CHST11: variants seen among roughly 807,000 people sequenced by gnomAD.
The protein encoded by CHST11 is C4S-1.
In CHST11, 9 loss-of-function variants were observed where a neutral mutation model predicts 30.4. That is an observed-to-expected ratio of 0.30 (90% confidence interval 0.18 to 0.52). CHST11 has a LOEUF of 0.52. CHST11 is among the 20% of genes least tolerant of loss of function. The probability of loss-of-function intolerance (pLI) is 0.97; values close to 1 mark genes in which losing one functional copy is unlikely to be tolerated. For missense variants in CHST11, 348 were observed against 460.6 expected (o/e 0.76, Z 2.24); for synonymous variants, 152 against 187.8 (o/e 0.81, Z 1.56).
rs75908240 is a variant in CHST11, at chr12:104,471,500, C to G, written c.118+13971C>G. 0.013 allele frequency among the ~76,000 whole-genome samples: 1,972 copies of G among 152,226 alleles called. 80 individuals are homozygous for G. In the East Asian group the frequency reaches 0.16, roughly 13 times the overall value. ...GAACAGCCAAAAAGTGAACAACTGT[C>G]AAAGTTGTAGGAATTGCATCACTGT... On this transcript the variant is annotated intron_variant, in intron 1 of 2. Coordinates refer to ENST00000303694, the MANE Select transcript of CHST11 (RefSeq NM_018413.6).
At chr12:104,586,001 T>C (rs905194332) in intron 1 of CHST11, among the ~76,000 whole-genome samples, 41 of 152,222 alleles carry the variant, frequency 2.7e-4, no homozygotes, top group Non-Finnish European at 5.9e-5. Context: ...ACTCATTATA[T>C]CTGCAAAGAC....
intron 2 of CHST11, among the ~76,000 whole-genome samples, chr12:104,707,836 C>T (rs1187711825): frequency 6.6e-6 from 1 of 152,138 alleles, no homozygotes; most frequent in Admixed American, 6.5e-5. Context: ...GCAGATACAT[C>T]CATACATTCA....
At chr12:104,614,523 TGG>T (rs2039089188) in intron 2 of CHST11, among the ~76,000 whole-genome samples, 1 of 152,074 alleles carries the variant, frequency 6.6e-6, no homozygotes, top group African/African-American at 2.4e-5. Context: ...CCAGCCTGGT[TGG>T]ATTTTTTTTT....
intron 1 of CHST11, among the ~76,000 whole-genome samples, chr12:104,543,821 T>G (rs942375746): frequency 3.9e-5 from 6 of 152,206 alleles, no homozygotes; most frequent in South Asian, 2.1e-4. Flanking sequence ...TTTACTTTTT[T>G]GGGGCACTGC....
chr12:104,742,810 G>C, intron 2 of CHST11, among the ~76,000 whole-genome samples: 1 of 152,150 alleles, frequency 6.6e-6, no homozygotes, highest in East Asian at 1.9e-4. Context: ...CCCTCCTCTT[G>C]TTTCTTGGCC....
At chr12:104,490,303 C>T (rs113697769) in intron 1 of CHST11, among the ~76,000 whole-genome samples, 37 of 152,178 alleles carry the variant, frequency 2.4e-4, no homozygotes, top group African/African-American at 8.4e-4. Flanking sequence ...ATAAAGATGG[C>T]AGACGTGCTA....
In CHST11 at chr12:104,651,085, G is replaced by A. The variant is rs374156742; in HGVS notation, c.204+49094G>A. 1.1e-3 allele frequency among the ~76,000 whole-genome samples: 171 copies of A among 152,188 alleles called. 1 individual carries two copies. The highest frequency in any genetic ancestry group is 1.9e-3 in the Non-Finnish European group (132 of 68,034). Reference sequence around the variant, plus strand: ...CCAAGCCAACCTTTGATACCCAGACGTTTTCAAGACCCTCAGTCTGGTGGC... The same window carrying A: ...CCAAGCCAACCTTTGATACCCAGACATTTTCAAGACCCTCAGTCTGGTGGC... On this transcript the variant is annotated intron_variant, in intron 2 of 2. Coordinates refer to ENST00000303694, the MANE Select transcript of CHST11 (RefSeq NM_018413.6).
intron 1 of CHST11, among the ~76,000 whole-genome samples, chr12:104,522,045 C>T (rs1432882230): frequency 6.6e-6 from 1 of 152,208 alleles, no homozygotes; most frequent in Non-Finnish European, 1.5e-5. Context: ...TCTGTTTCCA[C>T]TAGCATTTCT....
rs2040505777 is a variant in CHST11 at position 104,759,348 on chromosome 12, CT to C, written c.*1546del. ...TGCTAATTAACATCTAAACATGCTT[CT>C]CATTTCCAGCCATTGCTGATGCTTC... On this transcript the variant is annotated 3_prime_UTR_variant, in exon 3 of 3. Coordinates refer to ENST00000303694, the MANE Select transcript of CHST11 (RefSeq NM_018413.6). 1 of 152,088 alleles carries C rather than the reference CT, an allele frequency of 6.6e-6. No individual in the cohort carries two copies. Among genetic ancestry groups the C allele is most frequent in the Admixed American group, 6.6e-5 (1 of 15,266 alleles). 9.4% of individuals were successfully genotyped at this position (152,088 alleles called of 1,614,324 possible).
intron 2 of CHST11, among the ~76,000 whole-genome samples, chr12:104,677,886 A>G (rs1446213380): frequency 6.6e-6 from 1 of 152,170 alleles, no homozygotes; most frequent in Non-Finnish European, 1.5e-5. Context: ...CACATTCCTC[A>G]AACATGTCAA....
At chr12:104,640,610 G>A (rs974723630) in intron 2 of CHST11, among the ~76,000 whole-genome samples, 6 of 152,182 alleles carry the variant, frequency 3.9e-5, no homozygotes, top group African/African-American at 1.4e-4. Flanking sequence ...TGGGGAGAGG[G>A]ATGAACAGGA....
At chr12:104,659,335 G>A (rs959101652) in intron 2 of CHST11, among the ~76,000 whole-genome samples, 1 of 152,190 alleles carries the variant, frequency 6.6e-6, no homozygotes, top group Non-Finnish European at 1.5e-5. Context: ...GCTGGCACAT[G>A]ATAATTGCTC....
At chr12:104,514,557 T>C in intron 1 of CHST11, 2 of 459,752 alleles carry the variant, frequency 4.4e-6, no homozygotes, top group Non-Finnish European at 8.0e-6. Context: ...AATAGAGGTT[T>C]ACTTGGCTCA....
At chr12:104,596,387 C>A (rs188543460) in intron 1 of CHST11, among the ~76,000 whole-genome samples, 28 of 152,298 alleles carry the variant, frequency 1.8e-4, no homozygotes, top group Middle Eastern at 6.8e-3. Context: ...GTTTTGCCAG[C>A]GGAAGGAGCA....
rs1428745221 is a variant in CHST11 at position 104,703,486 on chromosome 12, A to G, written c.205-53463A>G. ...ACTTTCAAAGGAGATCAATAATTCA[A>G]CCACTTCCCCCCACCCCGGCTGCCG... On this transcript the variant is annotated intron_variant, in intron 2 of 2. Transcript: ENST00000303694. Among the ~76,000 whole-genome samples the G allele has an allele frequency of 3.9e-5, 6 of 151,908 alleles. No homozygotes were observed. In the East Asian group the frequency reaches 7.7e-4, roughly 20 times the overall value.
rs1334559199 is a variant in CHST11 at position 104,757,496 on chromosome 12, G to A, written c.752G>A (p.Arg251Gln). The A allele has an allele frequency of 9.3e-6, 15 of 1,614,094 alleles. No individual in the cohort carries two copies. The highest frequency in any genetic ancestry group is 1.2e-5 in the Non-Finnish European group (14 of 1,180,030). ...TATCTCATCGACCCACACACCCAGCGGGAGGAGCCTTTCAACGAACACTGG... is the reference window on the plus strand; with the variant it reads ...TATCTCATCGACCCACACACCCAGCAGGAGGAGCCTTTCAACGAACACTGG... Reference protein sequence around the residue: ...VAYLIDPHTQREEPFNEHWQT... With the variant: ...VAYLIDPHTQQEEPFNEHWQT... Residue 251 changes from arginine to glutamine, a missense_variant, in exon 3 of 3, where the codon CGG becomes CAG. Arg to Gln is a conservative substitution (Grantham distance 43). Coordinates refer to ENST00000303694, the MANE Select transcript of CHST11 (RefSeq NM_018413.6). This position sits in a 1 kb window ranked among gnomAD's most constrained non-coding sequence, Gnocchi z 6.5.
At chr12:104,623,718 CA>C (rs547796323) in intron 2 of CHST11, among the ~76,000 whole-genome samples, 211 of 138,242 alleles carry the variant, frequency 1.5e-3, no homozygotes, top group South Asian at 9.8e-3. Flanking sequence ...GACTCCATCT[CA>C]AAAAAAAAAA....
chr12:104,494,418 T>G (rs535314160), intron 1 of CHST11, among the ~76,000 whole-genome samples: 1 of 152,306 alleles, frequency 6.6e-6, no homozygotes, highest in Admixed American at 6.5e-5. Context: ...TGATAACATC[T>G]CAGAAATGAA....
At chr12:104,561,275 T>C (rs1374127401) in intron 1 of CHST11, among the ~76,000 whole-genome samples, 1 of 152,176 alleles carries the variant, frequency 6.6e-6, no homozygotes, top group East Asian at 1.9e-4. Flanking sequence ...CCCAGACCCC[T>C]CCCATCTTGT....
Sources: gnomAD v4.1 joint callset for allele counts (sites outside exome capture counted in the v4.1 genomes callset) on GRCh38, gnomAD v4.1.1 for gene constraint, Gnocchi (gnomAD v3.1) non-coding constraint, MANE v1.5 for transcripts, NCBI Gene and HGNC (gene_info 2026-07-23, HGNC 2026-07-21) for gene names.